Variants in COBL observed in about 807,000 individuals in gnomAD.
COBL encodes the protein cordon-bleu WH2 repeat protein.
A neutral mutation model predicts 98.8 loss-of-function variants in COBL; 51 were observed. The observed-to-expected ratio is 0.52, with a 90% confidence interval of 0.41 to 0.65. The LOEUF (loss-of-function observed/expected upper bound fraction) is 0.65. Among genes scored for constraint, COBL ranks in the 30% least tolerant of loss-of-function variants. COBL has a pLI of 0.00. For missense variants in COBL, 1,617 were observed against 1,617.5 expected, an observed-to-expected ratio of 1.00 and a Z score of 0.01; for synonymous variants, 634 against 651.7, an observed-to-expected ratio of 0.97 and a Z score of 0.41.
intron 8 of COBL, chr7:51,035,359 T>C (rs1254548586): frequency 7.8e-6 from 1 of 127,676 alleles, no homozygotes; most frequent in Non-Finnish European, 1.5e-5. Context: ...AGTGGCAGAA[T>C]TAATGAAAAA....
intron 1 of COBL, among the ~76,000 whole-genome samples, chr7:51,250,237 C>T (rs1056496698): frequency 6.6e-6 from 1 of 152,168 alleles, no homozygotes; most frequent in Non-Finnish European, 1.5e-5. Flanking sequence ...AGCCTTGCAG[C>T]CAGAAAGTGA....
At position 51,272,767 on chromosome 7, in the gene COBL, T is replaced by A. The variant is rs1156591639; in HGVS notation, c.41+43826A>T. Among the ~76,000 whole-genome samples the A allele has an allele frequency of 3.3e-5, 5 of 152,324 alleles. No individual in the cohort carries two copies. In the East Asian group the frequency reaches 9.7e-4, roughly 29 times the overall value. On this transcript the variant is annotated intron_variant, in intron 1 of 12. Transcript: ENST00000265136. ...GGCATTTCCACACCAAAGCTTGTAC[T>A]TTGGGAGTCTCCCCATGTCTAAATT...
At chr7:51,259,328 T>A in intron 1 of COBL, 1 of 218,308 alleles carries the variant, frequency 4.6e-6, no homozygotes, top group East Asian at 1.2e-4. Context: ...TCACGGTTAC[T>A]AATAGGAATA....
chr7:51,030,936 A>G, intron 8 of COBL, 27 bp from the exon 9 acceptor site: 12 of 1,391,860 alleles, frequency 8.6e-6, no homozygotes, highest in Non-Finnish European at 1.1e-5. Flanking sequence ...AGAAAGGAGC[A>G]CTCATTTCTC....
intron 2 of COBL, among the ~76,000 whole-genome samples, chr7:51,200,900 C>T (rs1791054318): frequency 1.3e-5 from 2 of 151,856 alleles, no homozygotes; most frequent in Admixed American, 1.3e-4. Flanking sequence ...TTTAAGGACA[C>T]ATAGAGGTTG....
intron 2 of COBL, among the ~76,000 whole-genome samples, chr7:51,194,320 A>G (rs1790396921): frequency 6.6e-6 from 1 of 152,166 alleles, no homozygotes; most frequent in South Asian, 2.1e-4. Flanking sequence ...ATAGTAGTCC[A>G]TGGTGTATCT....
intron 1 of COBL, among the ~76,000 whole-genome samples, chr7:51,231,370 GACATC>G (rs1251632659): frequency 6.6e-6 from 1 of 152,164 alleles, no homozygotes; most frequent in Non-Finnish European, 1.5e-5. Flanking sequence ...GTCTAGTAAG[GACATC>G]ACAGTGGCCT....
In COBL at chr7:51,285,380, G is replaced by GA. The variant is rs879267450; in HGVS notation, c.41+31212dup. ...TAGCAAATCCCAAGGAATCTGCAAA[G>GA]AAAAAAAAAAAAAGCAAAAATCCTC... On this transcript the variant is annotated intron_variant, in intron 1 of 12. Coordinates refer to ENST00000265136, the MANE Select transcript of COBL (RefSeq NM_015198.5). Among the ~76,000 whole-genome samples the GA allele has an allele frequency of 8.3e-3, 920 of 111,228 alleles. 3 individuals are homozygous for GA. Among genetic ancestry groups the GA allele is most frequent in the African/African-American group, 0.027 (805 of 30,146 alleles). 73.0% of individuals were successfully genotyped at this position (111,228 alleles called of 152,430 possible).
At chr7:51,041,392 C>T (rs984755200) in intron 8 of COBL, among the ~76,000 whole-genome samples, 14 of 151,470 alleles carry the variant, frequency 9.2e-5, no homozygotes, top group Non-Finnish European at 1.5e-4. Context: ...GGAACAAAAC[C>T]TGAAAAATAT....
intron 1 of COBL, chr7:51,316,358 G>A (rs1042731325): frequency 1.6e-5 from 5 of 319,540 alleles, no homozygotes; most frequent in Non-Finnish European, 1.7e-5. Context: ...GTGCGCTCCG[G>A]CCCCGGCCCG....
At chr7:51,023,786 G>A (rs745514242) in intron 12 of COBL, among the ~76,000 whole-genome samples, 4 of 152,166 alleles carry the variant, frequency 2.6e-5, no homozygotes, top group Non-Finnish European at 4.4e-5. Context: ...CTTACCCAGC[G>A]TCTCCTGGGT....
Position 51,017,138 on chromosome 7 carries a change from A to T in COBL, c.*413T>A. 1 of 433,828 alleles carries T rather than the reference A, an allele frequency of 2.3e-6. No homozygotes were observed. Among genetic ancestry groups the T allele is most frequent in the Non-Finnish European group, 4.0e-6 (1 of 247,456 alleles). 26.9% of individuals were successfully genotyped at this position (433,828 alleles called of 1,614,324 possible). On this transcript the variant is annotated 3_prime_UTR_variant, in exon 13 of 13. Coordinates refer to ENST00000265136, the MANE Select transcript of COBL (RefSeq NM_015198.5). The stretch of plus-strand genomic sequence containing the variant: ...ATATGTTTTTTCTAAAATTCAAAAG[A>T]TCTTAAATCAGTAAGTAGTTTCATC...
At chr7:51,131,424 T>A (rs549923526) in intron 6 of COBL, among the ~76,000 whole-genome samples, 14 of 152,338 alleles carry the variant, frequency 9.2e-5, no homozygotes, top group Non-Finnish European at 1.8e-4. Context: ...TACTTATTTT[T>A]AATCACTTAA....
At chr7:51,115,929 T>A (rs1157385477) in intron 6 of COBL, among the ~76,000 whole-genome samples, 2 of 152,102 alleles carry the variant, frequency 1.3e-5, no homozygotes, top group African/African-American at 4.8e-5. Flanking sequence ...GAGTATGAAA[T>A]CTTCCTGATG....
intron 12 of COBL, among the ~76,000 whole-genome samples, chr7:51,017,997 G>A (rs1232852785): frequency 6.6e-6 from 1 of 152,180 alleles, no homozygotes; most frequent in Non-Finnish European, 1.5e-5. Flanking sequence ...TTATATTGGA[G>A]ACATACCCAT....
At chr7:51,280,519 C>T (rs541657060) in intron 1 of COBL, among the ~76,000 whole-genome samples, 109 of 152,348 alleles carry the variant, frequency 7.2e-4, no homozygotes, top group African/African-American at 2.5e-3. Flanking sequence ...TTTCTCCTTT[C>T]TCTTTTCTGC....
At chr7:51,057,711 T>A (rs980110124) in intron 7 of COBL, among the ~76,000 whole-genome samples, 7 of 152,174 alleles carry the variant, frequency 4.6e-5, no homozygotes, top group Non-Finnish European at 1.0e-4. Flanking sequence ...CCAAAATAAC[T>A]TGGCTTTATT....
intron 2 of COBL, among the ~76,000 whole-genome samples, chr7:51,203,814 C>T (rs1049882719): frequency 2.0e-5 from 3 of 152,084 alleles, no homozygotes; most frequent in African/African-American, 4.8e-5. Flanking sequence ...ATAATTGATA[C>T]TAGTGCTTTT....
intron 5 of COBL, among the ~76,000 whole-genome samples, chr7:51,172,905 C>T (rs1178044301): frequency 6.6e-6 from 1 of 151,996 alleles, no homozygotes; most frequent in African/African-American, 2.4e-5. Context: ...TCTCCTGCCT[C>T]AGCCTCCCAA....
Sources: allele counts gnomAD v4.1 joint callset (sites outside exome capture counted in the v4.1 genomes callset), GRCh38; gene constraint gnomAD v4.1.1; transcripts MANE v1.5; gene names NCBI Gene and HGNC (gene_info 2026-07-23, HGNC 2026-07-21).